DAB1: variants seen among roughly 807,000 people sequenced by gnomAD.
DAB1 encodes disabled homolog 1.
Under a neutral mutation model 64.6 loss-of-function variants are expected in DAB1, and 15 were observed. The ratio of observed to expected loss-of-function variants is 0.23; its 90% CI spans 0.16 to 0.36. The LOEUF (loss-of-function observed/expected upper bound fraction) is 0.36. Ranked by LOEUF, DAB1 falls within the 10% of genes least tolerant of loss-of-function variation. The pLI is 1.00. For missense variants in DAB1, 596 were observed against 706.7 expected, an observed-to-expected ratio of 0.84 and a Z score of 1.78; for synonymous variants, 235 against 251.9, an observed-to-expected ratio of 0.93 and a Z score of 0.64.
At chr1:57,858,157 C>T (rs57061666) in intron 1 of DAB1, among the ~76,000 whole-genome samples, 5,541 of 152,280 alleles carry the variant, frequency 0.036, 154 homozygotes, top group East Asian at 0.13. Context: ...ACCACTGTCT[C>T]ACCCATTCGA....
At chr1:57,744,058 CT>C (rs1472643050) in intron 6 of DAB1, among the ~76,000 whole-genome samples, 1 of 152,198 alleles carries the variant, frequency 6.6e-6, no homozygotes, top group East Asian at 1.9e-4. Flanking sequence ...AACCTTCCAG[CT>C]TGGGCATTAG....
At chr1:57,168,295 T>C (rs1213773069) in intron 2 of DAB1, among the ~76,000 whole-genome samples, 1 of 152,222 alleles carries the variant, frequency 6.6e-6, no homozygotes, top group Non-Finnish European at 1.5e-5. Flanking sequence ...ATCACATAGT[T>C]ATTGTACATC....
chr1:57,035,807 T>G (rs1290153192), intron 9 of DAB1, among the ~76,000 whole-genome samples: 1 of 151,234 alleles, frequency 6.6e-6, no homozygotes, highest in Non-Finnish European at 1.5e-5. Context: ...CTCCTATTTT[T>G]GGCTCATTTC....
At chr1:57,909,098 TG>T (rs1644602303) in intron 5 of DAB1, among the ~76,000 whole-genome samples, 1 of 152,202 alleles carries the variant, frequency 6.6e-6, no homozygotes, top group South Asian at 2.1e-4. Context: ...AGGTATCTGG[TG>T]GCCATGATAG....
chr1:57,246,574 C>T (rs1382147895), intron 2 of DAB1, among the ~76,000 whole-genome samples: 2 of 152,168 alleles, frequency 1.3e-5, no homozygotes. Flanking sequence ...GCCCCCCTAC[C>T]CCACAGAGTC....
chr1:57,758,664 A>C (rs866353851), intron 6 of DAB1, among the ~76,000 whole-genome samples: 1 of 152,138 alleles, frequency 6.6e-6, no homozygotes, highest in South Asian at 2.1e-4. Context: ...TCAAGGCTGC[A>C]TTGGCATTTT....
intron 1 of DAB1, among the ~76,000 whole-genome samples, chr1:57,325,495 G>T (rs1356059331): frequency 2.0e-5 from 3 of 152,220 alleles, no homozygotes; most frequent in African/African-American, 7.2e-5. Flanking sequence ...TGTGTATAAA[G>T]TACCTAATGC....
intron 9 of DAB1, among the ~76,000 whole-genome samples, chr1:57,029,008 A>G (rs1646881435): frequency 6.6e-6 from 1 of 152,316 alleles, no homozygotes; most frequent in South Asian, 2.1e-4. Context: ...TCCCACAATC[A>G]TGGGGAAAAT....
rs183726062 is a variant in DAB1 at position 57,526,136 on chromosome 1, C to A, written n.625+123456G>T. 2.9e-3 allele frequency among the ~76,000 whole-genome samples: 446 copies of A among 152,164 alleles called. 3 individuals carry two copies. Among genetic ancestry groups the A allele is most frequent in the African/African-American group, 0.01 (430 of 41,514 alleles). On this transcript the variant is annotated intron_variant and non_coding_transcript_variant, in intron 7 of 20. Coordinates refer to the DAB1 transcript ENST00000485760. The stretch of plus-strand genomic sequence containing the variant: ...TATTTTCAGTAGAGACGGGGTTTCA[C>A]CATGTTGGCCAGGCTGGTCTCAAAC...
intron 2 of DAB1, among the ~76,000 whole-genome samples, chr1:57,212,308 T>C (rs960044672): frequency 1.3e-5 from 2 of 150,226 alleles, no homozygotes; most frequent in Non-Finnish European, 3.0e-5. Context: ...ATGATTATGA[T>C]ATAAAAACTA....
chr1:57,700,122 T>G (rs558198045), intron 6 of DAB1, among the ~76,000 whole-genome samples: 1 of 152,142 alleles, frequency 6.6e-6, no homozygotes, highest in Admixed American at 6.5e-5. Context: ...GTCATCCTCA[T>G]GTGCTACCGG....
At chr1:58,173,092 C>T (rs147124783) in intron 4 of DAB1, among the ~76,000 whole-genome samples, 1 of 152,346 alleles carries the variant, frequency 6.6e-6, no homozygotes, top group African/African-American at 2.4e-5. Flanking sequence ...CGCTGCCAGG[C>T]AGAACCTCCC....
intron 1 of DAB1, among the ~76,000 whole-genome samples, chr1:57,297,618 A>C (rs1673309392): frequency 6.6e-6 from 1 of 152,206 alleles, no homozygotes; most frequent in Non-Finnish European, 1.5e-5. Context: ...TACTAAGTAA[A>C]GGGCATTGGG....
chr1:58,497,463 T>C (rs992433686), intron 3 of DAB1, among the ~76,000 whole-genome samples: 3 of 152,186 alleles, frequency 2.0e-5, no homozygotes, highest in Non-Finnish European at 4.4e-5. Context: ...CTGAAATGCA[T>C]ACTAAAGTTG....
chr1:58,116,536 A>T (rs151314062), intron 5 of DAB1, among the ~76,000 whole-genome samples: 2 of 152,250 alleles, frequency 1.3e-5, no homozygotes, highest in African/African-American at 4.8e-5. Flanking sequence ...GATCTTCTTC[A>T]ATGTTTGCCA....
chr1:57,852,068 C>T (rs1418338788), intron 1 of DAB1, among the ~76,000 whole-genome samples: 1 of 152,164 alleles, frequency 6.6e-6, no homozygotes, highest in Non-Finnish European at 1.5e-5. Flanking sequence ...CTTCCCTGGC[C>T]CTCCTGTCCC....
chr1:58,510,669 G>A (rs1369893929), intron 2 of DAB1, among the ~76,000 whole-genome samples: 1 of 151,738 alleles, frequency 6.6e-6, no homozygotes, highest in Non-Finnish European at 1.5e-5. Context: ...AAATCAGAAA[G>A]AAAGAAGTAA....
intron 4 of DAB1, among the ~76,000 whole-genome samples, chr1:57,081,171 A>C (rs560532373): frequency 1.5e-4 from 23 of 152,276 alleles, no homozygotes; most frequent in African/African-American, 5.3e-4. Flanking sequence ...ACCTTATTTC[A>C]CTGAGGCTCA....
intron 5 of DAB1, among the ~76,000 whole-genome samples, chr1:57,969,935 G>A (rs1374084890): frequency 1.3e-5 from 2 of 151,902 alleles, no homozygotes; most frequent in Admixed American, 1.3e-4. Flanking sequence ...ATTAAGAGGT[G>A]GGGCCTTTAG....
Sources: allele counts gnomAD v4.1 joint callset (sites outside exome capture counted in the v4.1 genomes callset), GRCh38; gene constraint gnomAD v4.1.1; transcripts MANE v1.5; gene names NCBI Gene and HGNC (gene_info 2026-07-23, HGNC 2026-07-21).